GRM1: variants seen among roughly 807,000 people sequenced by gnomAD.
The protein encoded by GRM1 is glutamate metabotropic receptor 1, also known as metabotropic glutamate receptor 1.
In GRM1, 33 loss-of-function variants were observed where a neutral mutation model predicts 90.9. That is an observed-to-expected ratio of 0.36 (90% CI 0.28 to 0.49). GRM1 has a LOEUF of 0.49. GRM1 is among the 20% of genes least tolerant of loss of function. The pLI is 0.99. For missense variants in GRM1, 1,190 were observed against 1,534.3 expected (o/e 0.78, Z 3.75); for synonymous variants, 700 against 613.2 (o/e 1.14, Z -2.09).
chr6:146,131,400 G>A (rs111299529), intron 1 of GRM1, among the ~76,000 whole-genome samples: 46 of 151,708 alleles, frequency 3.0e-4, no homozygotes, highest in Non-Finnish European at 4.9e-4. Context: ...TGTGATCTTG[G>A]GCAGATTTAT....
chr6:146,287,537 G>A (rs988065436), intron 2 of GRM1, among the ~76,000 whole-genome samples: 2 of 152,116 alleles, frequency 1.3e-5, no homozygotes, highest in Admixed American at 1.3e-4. Context: ...ATCTCTAAAA[G>A]AGATTTTATG....
intron 2 of GRM1, among the ~76,000 whole-genome samples, chr6:146,271,659 G>A (rs1782167776): frequency 6.6e-6 from 1 of 152,142 alleles, no homozygotes; most frequent in African/African-American, 2.4e-5. Context: ...TTAAATGTAG[G>A]CAGTCTGTCA....
At chr6:146,085,464 A>G (rs1225658126) in intron 1 of GRM1, among the ~76,000 whole-genome samples, 2 of 152,166 alleles carry the variant, frequency 1.3e-5, no homozygotes, top group Non-Finnish European at 2.9e-5. Flanking sequence ...ATGCCTCTGC[A>G]TGACCAGCTG....
chr6:146,165,139 ACAAACACAT>A (rs1777863928), intron 2 of GRM1, among the ~76,000 whole-genome samples: 6 of 152,262 alleles, frequency 3.9e-5, no homozygotes, highest in Admixed American at 3.3e-4. Flanking sequence ...TTGAAACACA[ACAAACACAT>A]CAAACACACG....
rs1427738946 is a variant in GRM1, at chr6:146,029,115, AC to A, written c.-402del. 1 of 296,856 alleles carries A rather than the reference AC, an allele frequency of 3.4e-6. No individual in the cohort carries two copies. Among genetic ancestry groups the A allele is most frequent in the Non-Finnish European group, 6.5e-6 (1 of 153,378 alleles). 18.4% of individuals were successfully genotyped at this position (296,856 alleles called of 1,614,324 possible). ...GTGCCGAAATGAAACGGACAAGGCAACTGTTAACATTATAGACCCCAGAGTT... is the reference window on the plus strand; with the variant it reads ...GTGCCGAAATGAAACGGACAAGGCAATGTTAACATTATAGACCCCAGAGTT... On this transcript the variant is annotated 5_prime_UTR_variant, in exon 1 of 8. It adds an upstream start codon to the 5' untranslated region. Transcript: ENST00000282753.
chr6:146,327,612 A>C (rs1028155306), intron 3 of GRM1, among the ~76,000 whole-genome samples: 1 of 152,160 alleles, frequency 6.6e-6, no homozygotes, highest in South Asian at 2.1e-4. Flanking sequence ...GTAATGACTA[A>C]GTGTATTTCA....
rs548265599 is a variant in GRM1 at position 146,139,559 on chromosome 6, A to G, written c.701-19789A>G. On this transcript the variant is annotated intron_variant, in intron 1 of 7. Coordinates refer to ENST00000282753, the MANE Select transcript of GRM1 (RefSeq NM_001278064.2). The stretch of plus-strand genomic sequence containing the variant: ...TTGGTGAATTGACCACTTTATTACT[A>G]TATAATGATCCTTGTCTCTTTTTAT... Among the ~76,000 whole-genome samples, 22 of 152,288 alleles carry G rather than the reference A, an allele frequency of 1.4e-4. No individual in the cohort carries two copies. The South Asian group carries it at 4.1e-3, about 29-fold the overall frequency.
At chr6:146,163,343 T>G (rs573991200) in intron 2 of GRM1, among the ~76,000 whole-genome samples, 1 of 152,292 alleles carries the variant, frequency 6.6e-6, no homozygotes, top group Admixed American at 6.5e-5. Flanking sequence ...TAATAATAAT[T>G]GTAATAATGA....
intron 7 of GRM1, among the ~76,000 whole-genome samples, chr6:146,426,824 T>C (rs1369234101): frequency 6.6e-6 from 1 of 152,182 alleles, no homozygotes; most frequent in Non-Finnish European, 1.5e-5. Context: ...AAGGACACTG[T>C]CAAGTTGTTC....
At chr6:146,332,704 G>A (rs552804233) in intron 3 of GRM1, among the ~76,000 whole-genome samples, 13 of 152,260 alleles carry the variant, frequency 8.5e-5, no homozygotes, top group South Asian at 2.1e-4. Context: ...CACAGGTTTC[G>A]GAAATTAGGG....
chr6:146,351,303 G>A (rs1303024124), intron 3 of GRM1, among the ~76,000 whole-genome samples: 1 of 152,156 alleles, frequency 6.6e-6, no homozygotes, highest in East Asian at 1.9e-4. Context: ...TCAAATGAGG[G>A]AGGAAATGCT....
chr6:146,188,522 G>A (rs1778819017), intron 2 of GRM1, among the ~76,000 whole-genome samples: 1 of 152,066 alleles, frequency 6.6e-6, no homozygotes, highest in Non-Finnish European at 1.5e-5. Context: ...AATCCAAGAA[G>A]ACTCCCATGA....
At chr6:146,098,856 C>T (rs1377162081) in intron 1 of GRM1, among the ~76,000 whole-genome samples, 4 of 152,042 alleles carry the variant, frequency 2.6e-5, no homozygotes. Flanking sequence ...TTGTTTGTTT[C>T]CCCTCCTGCC....
intron 3 of GRM1, among the ~76,000 whole-genome samples, chr6:146,309,655 C>T (rs1277608600): frequency 1.3e-5 from 2 of 152,086 alleles, no homozygotes; most frequent in East Asian, 3.9e-4. Flanking sequence ...TAACTACTGG[C>T]CATTCTTATG....
At chr6:146,354,381 G>A (rs922635566) in intron 4 of GRM1, among the ~76,000 whole-genome samples, 1 of 152,152 alleles carries the variant, frequency 6.6e-6, no homozygotes, top group African/African-American at 2.4e-5. Context: ...CTTCCTTCAT[G>A]ATTCCCAAAG....
chr6:146,058,714 G>T (rs1339214563), intron 1 of GRM1, among the ~76,000 whole-genome samples: 1 of 152,100 alleles, frequency 6.6e-6, no homozygotes, highest in Non-Finnish European at 1.5e-5. Flanking sequence ...TTCAAAATTG[G>T]AGTCAATCCT....
At chr6:146,390,723 G>C (rs571150036) in intron 6 of GRM1, among the ~76,000 whole-genome samples, 1 of 151,830 alleles carries the variant, frequency 6.6e-6, no homozygotes, top group Non-Finnish European at 1.5e-5. Context: ...CACCTGTTTT[G>C]TGCCAGGTAC....
chr6:146,381,656 G>A (rs1052130349), intron 5 of GRM1, among the ~76,000 whole-genome samples: 3 of 152,098 alleles, frequency 2.0e-5, no homozygotes, highest in East Asian at 1.9e-4. Context: ...GCAGACAATC[G>A]GTAGAATTCT....
chr6:146,169,690 C>T (rs1182569649), intron 2 of GRM1, among the ~76,000 whole-genome samples: 1 of 152,152 alleles, frequency 6.6e-6, no homozygotes, highest in Non-Finnish European at 1.5e-5. Context: ...TAGAGACTAC[C>T]ACCAGACAGT....
Sources: allele counts gnomAD v4.1 joint callset (sites outside exome capture counted in the v4.1 genomes callset), GRCh38; gene constraint gnomAD v4.1.1; transcripts MANE v1.5; gene names NCBI Gene and HGNC (gene_info 2026-07-23, HGNC 2026-07-21).